BCLAF3: variants seen among roughly 807,000 people sequenced by gnomAD.
The protein encoded by BCLAF3 is BCLAF1 and THRAP3 family member 3.
In BCLAF3, 24 loss-of-function variants were observed where a neutral mutation model predicts 51.2. The observed-to-expected ratio is 0.47, with a 90% CI of 0.34 to 0.66. BCLAF3 has a LOEUF of 0.66. Among genes scored for constraint, BCLAF3 ranks in the 30% least tolerant of loss-of-function variants. BCLAF3 has a pLI of 0.01. For missense variants in BCLAF3, 465 were observed against 525.1 expected (o/e 0.89, Z 1.12); for synonymous variants, 152 against 176.6 (o/e 0.86, Z 1.10).
intron 1 of BCLAF3, among the ~76,000 whole-genome samples, chrX:19,988,840 C>T (rs181827508): frequency 9.0e-6 from 1 of 111,606 alleles, no homozygotes; most frequent in Non-Finnish European, 1.9e-5. Flanking sequence ...AACTTTAAAT[C>T]TCTTGTTTGT....
intron 1 of BCLAF3, among the ~76,000 whole-genome samples, chrX:19,989,095 C>T (rs983628198): frequency 9.2e-6 from 1 of 108,494 alleles, no homozygotes; most frequent in African/African-American, 3.4e-5. Context: ...GAGTGCAAAA[C>T]AGCATATCCT....
intron 8 of BCLAF3, among the ~76,000 whole-genome samples, chrX:19,940,015 T>C (rs1338466399): frequency 8.9e-6 from 1 of 112,046 alleles, no homozygotes; most frequent in Admixed American, 9.5e-5. Context: ...TGGTGGTGAT[T>C]GTACAACACT....
intron 2 of BCLAF3, among the ~76,000 whole-genome samples, chrX:19,968,878 C>T (rs1267099533): frequency 1.8e-5 from 2 of 111,731 alleles, no homozygotes; most frequent in Non-Finnish European, 3.8e-5. Flanking sequence ...CTTTGGGAGG[C>T]CGAGGCGGGC....
At chrX:19,936,736 C>G (rs888374318) in intron 9 of BCLAF3, among the ~76,000 whole-genome samples, 1 of 111,904 alleles carries the variant, frequency 8.9e-6, no homozygotes, top group African/African-American at 3.2e-5. Flanking sequence ...ATGGAACTAG[C>G]TGCCATTTTG....
chrX:19,964,180 T>C (rs994288057), intron 4 of BCLAF3, among the ~76,000 whole-genome samples: 8 of 111,618 alleles, frequency 7.2e-5, no homozygotes, highest in African/African-American at 2.6e-4. Flanking sequence ...CAAATCAACA[T>C]GGCCCCCCCC....
chrX:19,967,111 A>G (rs748129085), intron 2 of BCLAF3, among the ~76,000 whole-genome samples: 5 of 111,999 alleles, frequency 4.5e-5, no homozygotes, highest in Non-Finnish European at 9.4e-5. Flanking sequence ...CAAACTGAAC[A>G]TTACCTCTGA....
intron 9 of BCLAF3, among the ~76,000 whole-genome samples, chrX:19,936,356 GCTAGAAAAGTAC>G (rs2070760426): frequency 8.9e-6 from 1 of 111,932 alleles, no homozygotes; most frequent in Non-Finnish European, 1.9e-5. Flanking sequence ...TCTTGCCATG[GCTAGAAAAGTAC>G]CAGAAATAAA....
chrX:19,951,166 T>TA lies in BCLAF3; in HGVS notation c.1630-299dup, dbSNP rs376025278. Among the ~76,000 whole-genome samples the TA allele has an allele frequency of 5.1e-3, 515 of 101,170 alleles. 4 individuals carry two copies. Among genetic ancestry groups the TA allele is most frequent in the African/African-American group, 0.016 (440 of 27,937 alleles). The allele number at this position is 101,170 out of a possible 115,157, so 87.9% of individuals were successfully genotyped here. On this transcript the variant is annotated intron_variant, in intron 7 of 11. Transcript: ENST00000379682. ...ACAAAAAATAGAAGCAACTTAAATG[T>TA]AAAAAAAAAAAATTAAGAGGAAGGG... is the stretch of plus-strand genomic sequence containing the variant.
intron 1 of BCLAF3, among the ~76,000 whole-genome samples, chrX:19,973,631 C>T (rs1301482083): frequency 9.0e-6 from 1 of 111,644 alleles, no homozygotes; most frequent in Non-Finnish European, 1.9e-5. Flanking sequence ...TATTCTTTCC[C>T]GATTGTGTAA....
At position 19,959,821 on chromosome X, in the gene BCLAF3, G is replaced by C. The variant is rs773046285; in HGVS notation, c.1275-4255C>G. 1.2e-3 allele frequency among the ~76,000 whole-genome samples: 137 copies of C among 110,215 alleles called. 1 individual carries two copies. Among genetic ancestry groups the C allele is most frequent in the African/African-American group, 4.3e-3 (131 of 30,439 alleles). ...CATTTTATTTTTATTTTCTTTTTGA[G>C]ACAGGGTCTGGCTCTGTCACCCAGG... On this transcript the variant is annotated intron_variant, in intron 4 of 11. Transcript: ENST00000379682.
rs765601608 is a variant in BCLAF3, at chrX:19,940,874, T to G, written c.1746-3342A>C. On this transcript the variant is annotated intron_variant, in intron 8 of 11. Coordinates refer to ENST00000379682, the MANE Select transcript of BCLAF3 (RefSeq NM_001367774.2). ...GACTTCCACTATGGTTGAACTAGTT[T>G]ACAGTCCCACCAACAGTGTAAAAGT... is the stretch of plus-strand genomic sequence containing the variant. 6.7e-3 allele frequency among the ~76,000 whole-genome samples: 746 copies of G among 111,506 alleles called. 8 individuals carry two copies. The highest frequency in any genetic ancestry group is 0.023 in the African/African-American group (691 of 30,602).
chrX:19,958,506 C>T (rs1274966559), intron 4 of BCLAF3, among the ~76,000 whole-genome samples: 1 of 112,391 alleles, frequency 8.9e-6, no homozygotes, highest in East Asian at 2.8e-4. Flanking sequence ...TGCAGCATAA[C>T]GGCGTTTCCA....
intron 1 of BCLAF3, among the ~76,000 whole-genome samples, chrX:19,975,858 T>C (rs756316017): frequency 9.0e-6 from 1 of 111,474 alleles, no homozygotes; most frequent in Non-Finnish European, 1.9e-5. Context: ...TACTACACTT[T>C]CTTGGTTTTC....
chrX:19,979,434 G>GT (rs2072539488), intron 1 of BCLAF3, among the ~76,000 whole-genome samples: 1 of 111,056 alleles, frequency 9.0e-6, no homozygotes, highest in African/African-American at 3.3e-5. Flanking sequence ...TTAAATTAAG[G>GT]TATGTATTGT....
intron 7 of BCLAF3, among the ~76,000 whole-genome samples, chrX:19,951,693 C>T (rs1569505398): frequency 9.2e-6 from 1 of 109,047 alleles, no homozygotes; most frequent in East Asian, 2.8e-4. Flanking sequence ...TTTGGGAGGC[C>T]GAGGTGGGTG....
chrX:19,918,196 T>C (rs188544496), intron 11 of BCLAF3: 29 of 111,939 alleles, frequency 2.6e-4, no homozygotes, highest in African/African-American at 8.7e-4. Context: ...AAAATTCTTA[T>C]TCTTCTATTT....
chrX:19,935,817 G>GTCT lies in BCLAF3; in HGVS notation c.1939_1941dup (p.Arg647dup), dbSNP rs754431762. ...AAAACAACACTCAATACCTTAAAAG[G>GTCT]TCTTACTCTTGTGTTTCGGTGGTTT... On this transcript the variant is annotated inframe_insertion, in exon 10 of 12. Coordinates refer to ENST00000379682, the MANE Select transcript of BCLAF3 (RefSeq NM_001367774.2). 1.7e-6 allele frequency: 2 copies of GTCT among 1,203,382 alleles called. No individual in the cohort carries two copies. Among genetic ancestry groups the GTCT allele is most frequent in the South Asian group, 3.5e-5 (2 of 56,738 alleles).
intron 8 of BCLAF3, among the ~76,000 whole-genome samples, chrX:19,939,234 G>C (rs1006697416): frequency 2.3e-4 from 26 of 111,875 alleles, no homozygotes; most frequent in Non-Finnish European, 5.6e-5. Flanking sequence ...GGTCATCTCT[G>C]ACTGGTAAAA....
At chrX:19,959,660 C>T (rs746101224) in intron 4 of BCLAF3, among the ~76,000 whole-genome samples, 1 of 109,319 alleles carries the variant, frequency 9.1e-6, no homozygotes, top group African/African-American at 3.3e-5. Context: ...TGCCTATAGT[C>T]CCAGCTACTC....
Sources: gnomAD v4.1 joint callset for allele counts (sites outside exome capture counted in the v4.1 genomes callset) on GRCh38, gnomAD v4.1.1 for gene constraint, MANE v1.5 for transcripts, NCBI Gene and HGNC (gene_info 2026-07-23, HGNC 2026-07-21) for gene names.